The following TMEM132D variants were observed in gnomAD, a reference collection of about 807,000 sequenced individuals.
TMEM132D encodes transmembrane protein 132D.
TMEM132D carries 21 observed loss-of-function variants against 62.3 expected under a neutral mutation model. The ratio of observed to expected loss-of-function variants is 0.34; its 90% CI spans 0.24 to 0.49. The LOEUF (loss-of-function observed/expected upper bound fraction) is 0.49, where lower values mean the gene tolerates loss of function less well. Ranked by LOEUF, TMEM132D falls within the 20% of genes least tolerant of loss-of-function variation. TMEM132D has a pLI of 0.99. For missense variants in TMEM132D, 1,346 were observed against 1,402.8 expected (o/e 0.96, Z 0.65); for synonymous variants, 621 against 575.6 (o/e 1.08, Z -1.13).
chr12:129,174,804 T>C (rs991194416), intron 5 of TMEM132D, among the ~76,000 whole-genome samples: 1 of 152,250 alleles, frequency 6.6e-6, no homozygotes, highest in African/African-American at 2.4e-5. Flanking sequence ...ATTGTGGTTT[T>C]GAATTGCATT....
At chr12:129,636,563 C>A (rs140725732) in intron 2 of TMEM132D, among the ~76,000 whole-genome samples, 1 of 152,146 alleles carries the variant, frequency 6.6e-6, no homozygotes, top group African/African-American at 2.4e-5. Context: ...AGAAGGGATT[C>A]ATTCAGTCAG....
intron 3 of TMEM132D, among the ~76,000 whole-genome samples, chr12:129,464,301 C>T (rs183687591): frequency 0.11 from 16,239 of 152,164 alleles, 942 homozygotes; most frequent in South Asian, 0.2. Flanking sequence ...TCATATCCTT[C>T]GCCCACTTTT....
chr12:129,559,157 A>T lies in TMEM132D; in HGVS notation c.969-27952T>A, dbSNP rs1206042199. Among the ~76,000 whole-genome samples, 3 of 152,322 alleles carry T rather than the reference A, an allele frequency of 2.0e-5. No individual in the cohort carries two copies. The East Asian group carries it at 5.8e-4, about 29-fold the overall frequency. ...AGCCCATAAGGTTTTACAACCCAAC[A>T]CAATCCACCTAGATAAGTGACAAAA... is the stretch of plus-strand genomic sequence containing the variant. On this transcript the variant is annotated intron_variant, in intron 2 of 8. Coordinates refer to ENST00000422113, the MANE Select transcript of TMEM132D (RefSeq NM_133448.3).
intron 4 of TMEM132D, among the ~76,000 whole-genome samples, chr12:129,324,530 T>G (rs1469669384): frequency 6.7e-6 from 1 of 149,646 alleles, no homozygotes; most frequent in Non-Finnish European, 1.5e-5. Context: ...TTGAAAAACT[T>G]GCAGAAGAAA....
intron 3 of TMEM132D, among the ~76,000 whole-genome samples, chr12:129,494,388 C>A (rs1388801553): frequency 6.6e-6 from 1 of 152,298 alleles, no homozygotes; most frequent in African/African-American, 2.4e-5. Context: ...CTGTGATGAG[C>A]TTCTTCCCAG....
At chr12:129,078,972 C>T (rs542865625) in intron 7 of TMEM132D, among the ~76,000 whole-genome samples, 28 of 152,300 alleles carry the variant, frequency 1.8e-4, no homozygotes, top group African/African-American at 6.7e-4. Flanking sequence ...GCCCTCTCCC[C>T]ACACCCCACA....
chr12:129,297,855 C>A (rs372113875), intron 4 of TMEM132D, among the ~76,000 whole-genome samples: 1 of 152,128 alleles, frequency 6.6e-6, no homozygotes, highest in Non-Finnish European at 1.5e-5. Flanking sequence ...GTTCTGGGAC[C>A]CAGGCTACTT....
At position 129,827,272 on chromosome 12, in the gene TMEM132D, G is replaced by A. The variant is rs1461058081; in HGVS notation, c.79+75989C>T. 2.0e-5 allele frequency among the ~76,000 whole-genome samples: 3 copies of A among 152,096 alleles called. No homozygotes were observed. Among genetic ancestry groups the A allele is most frequent in the Non-Finnish European group, 4.4e-5 (3 of 68,020 alleles). On this transcript the variant is annotated intron_variant, in intron 1 of 8. Transcript: ENST00000422113. The surrounding 1 kb of genome is among the most constrained non-coding windows in gnomAD (Gnocchi z 9.7). Reference sequence around the variant, plus strand: ...CCCATTTTGCAGATGAAGACACTGAGGCTTGAAGAAACTAAGTAATTTGCC... The same window carrying A: ...CCCATTTTGCAGATGAAGACACTGAAGCTTGAAGAAACTAAGTAATTTGCC...
chr12:129,155,404 CT>C (rs1412818500), intron 5 of TMEM132D, among the ~76,000 whole-genome samples: 1 of 152,152 alleles, frequency 6.6e-6, no homozygotes, highest in Non-Finnish European at 1.5e-5. Flanking sequence ...TAGAGAGGTA[CT>C]TTTTTTGAAA....
intron 3 of TMEM132D, among the ~76,000 whole-genome samples, chr12:129,514,444 T>A (rs61945378): frequency 0.11 from 15,986 of 152,238 alleles, 879 homozygotes; most frequent in Middle Eastern, 0.13. Context: ...TGACAAATTA[T>A]GGTCTGAGTT....
intron 3 of TMEM132D, among the ~76,000 whole-genome samples, chr12:129,463,466 TTATG>T (rs1311754903): frequency 5.6e-5 from 6 of 107,906 alleles, no homozygotes; most frequent in South Asian, 6.7e-4. Flanking sequence ...ATTTATTTAT[TTATG>T]TATTATTATT....
chr12:129,356,658 AAATAAATAAATAAAT>A (rs1566043553), intron 3 of TMEM132D, among the ~76,000 whole-genome samples: 10 of 143,946 alleles, frequency 6.9e-5, no homozygotes, highest in Middle Eastern at 3.6e-3. Flanking sequence ...TCTCTACAAT[AAATAAATAAATAAAT>A]AAATAAATAA....
chr12:129,504,877 C>G (rs906792778), intron 3 of TMEM132D, among the ~76,000 whole-genome samples: 2 of 152,152 alleles, frequency 1.3e-5, no homozygotes, highest in Non-Finnish European at 2.9e-5. Flanking sequence ...TTAGCACTGC[C>G]TTTGCTGTAT....
chr12:129,442,695 T>C (rs1157473355), intron 3 of TMEM132D, among the ~76,000 whole-genome samples: 1 of 152,150 alleles, frequency 6.6e-6, no homozygotes, highest in Non-Finnish European at 1.5e-5. Flanking sequence ...ATTTATCTGA[T>C]GAATAATACT....
chr12:129,638,533 A>T (rs1879548627), intron 2 of TMEM132D, among the ~76,000 whole-genome samples: 1 of 45,462 alleles, frequency 2.2e-5, no homozygotes, highest in Non-Finnish European at 5.2e-5. Flanking sequence ...ATATATAAAC[A>T]TATATAAATA....
At chr12:129,304,659 G>C (rs1881802159) in intron 4 of TMEM132D, among the ~76,000 whole-genome samples, 1 of 144,672 alleles carries the variant, frequency 6.9e-6, no homozygotes, top group African/African-American at 2.5e-5. Context: ...AACATACTTG[G>C]ATCTTTTTTT....
chr12:129,871,188 G>A (rs772815354), intron 1 of TMEM132D, among the ~76,000 whole-genome samples: 9 of 152,146 alleles, frequency 5.9e-5, no homozygotes, highest in East Asian at 1.9e-4. Context: ...ACAGTGATTC[G>A]TTCCAGGTGC....
chr12:129,339,320 G>A (rs1869391496), intron 3 of TMEM132D, among the ~76,000 whole-genome samples: 2 of 150,884 alleles, frequency 1.3e-5, no homozygotes, highest in Admixed American at 1.3e-4. Context: ...AAGGGGAGGA[G>A]GAAAAGAAAG....
chr12:129,097,962 G>A (rs1460542619), intron 5 of TMEM132D, among the ~76,000 whole-genome samples: 2 of 152,212 alleles, frequency 1.3e-5, no homozygotes, highest in Non-Finnish European at 1.5e-5. Context: ...TACACCTTTG[G>A]TGTTGTATCT....
Sources: allele counts gnomAD v4.1 joint callset (sites outside exome capture counted in the v4.1 genomes callset), GRCh38; gene constraint gnomAD v4.1.1; non-coding constraint Gnocchi (gnomAD v3.1); transcripts MANE v1.5; gene names NCBI Gene and HGNC (gene_info 2026-07-23, HGNC 2026-07-21).